Variants in PCP2 observed in about 807,000 individuals in gnomAD.
PCP2 encodes the protein Purkinje cell protein 2, also known as Purkinje cell protein 2 homolog.
A neutral mutation model predicts 18.3 loss-of-function variants in PCP2; 21 were observed. The observed-to-expected ratio is 1.14, with a 90% CI of 0.81 to 1.65. PCP2 has a LOEUF of 1.65. Ranked by LOEUF, PCP2 falls within the 40% of genes most tolerant of loss-of-function variation. PCP2 has a pLI of 0.00. For synonymous variants in PCP2, 85 were observed against 77.6 expected (o/e 1.10, Z -0.50); for missense variants, 202 against 201.8 (o/e 1.00, Z 0.00).
rs567614801 is a variant in PCP2, at chr19:7,633,495, C to T, written c.-38G>A. The T allele has an allele frequency of 4.5e-6, 7 of 1,556,440 alleles. No individual in the cohort carries two copies. The highest frequency in any genetic ancestry group is 1.2e-5 in the South Asian group (1 of 84,558). ...CAGTCACTTTTCTGCTGGCCTCTGC[C>T]CCGGCCCAGTGCCAGAGAGGGCCTT... On this transcript the variant is annotated 5_prime_UTR_variant, in exon 1 of 4. Coordinates refer to ENST00000311069, the MANE Select transcript of PCP2 (RefSeq NM_174895.3).
At chr19:7,631,924 T>C in intron 3 of PCP2, 116 bp from the exon 4 acceptor site, 1 of 1,072,702 alleles carries the variant, frequency 9.3e-7, no homozygotes, top group African/African-American at 1.6e-5. Context: ...TTGTGAGCAC[T>C]GGTCTATGTT....
upstream of PCP2, among the ~76,000 whole-genome samples, chr19:7,635,145 TC>T (rs937006305): frequency 1.3e-5 from 2 of 152,034 alleles, no homozygotes; most frequent in Non-Finnish European, 2.9e-5. Flanking sequence ...CAGCTCTCTG[TC>T]CCCCCAAGGG....
At chr19:7,633,337 A>C in intron 1 of PCP2, 70 bp downstream of exon 1, 1 of 1,155,620 alleles carries the variant, frequency 8.7e-7, no homozygotes, top group Non-Finnish European at 1.2e-6. Context: ...GGTGCCCTAC[A>C]AACTAGTCTT....
In PCP2 at chr19:7,631,722, G is replaced by A; in HGVS notation, c.378C>T (p.Asn126=). 1 of 1,447,954 alleles carries A rather than the reference G, an allele frequency of 6.9e-7. No homozygotes were observed. 89.7% of individuals were successfully genotyped at this position (1,447,954 alleles called of 1,614,324 possible). The change falls in exon 4 of 4, where the codon AAC becomes AAT. Residue 126 remains asparagine (N), a synonymous_variant. Transcript: ENST00000311069. ...QDPTALGFRR[N]SSPQPPTQAP ...CTTGTGTCGGGGGCTGGGGGCTGCTGTTCCGACGGAAGCCGAGAGCGGTCG... is the reference window on the plus strand; with the variant it reads ...CTTGTGTCGGGGGCTGGGGGCTGCTATTCCGACGGAAGCCGAGAGCGGTCG...
At chr19:7,636,994 C>T (rs916592166), upstream of PCP2, 13 of 843,628 alleles carry the variant, frequency 1.5e-5, no homozygotes, top group South Asian at 8.0e-4. Context: ...AGGGACTCAA[C>T]TTCCTGGGCC....
chr19:7,633,795 C>A, upstream of PCP2: 1 of 349,748 alleles, frequency 2.9e-6, no homozygotes, highest in Non-Finnish European at 5.3e-6. Flanking sequence ...GGGAGGCCAA[C>A]AGTGTAGGGT....
intron 1 of PCP2, 67 bp downstream of exon 1, chr19:7,633,340 C>CTAAT (rs35533418): frequency 0.39 from 557,368 of 1,447,366 alleles, 112,911 homozygotes; most frequent in Non-Finnish European, 0.42. Context: ...GCCCTACAAA[C>CTAAT]TAGTCTTGTC....
chr19:7,634,784 T>C (rs1449647899), upstream of PCP2, among the ~76,000 whole-genome samples: 1 of 152,252 alleles, frequency 6.6e-6, no homozygotes, highest in African/African-American at 2.4e-5. Context: ...GGAGCCCTCC[T>C]TGCCCCTCCC....
At chr19:7,633,319 G>A (rs564943033) in intron 1 of PCP2, 88 bp downstream of exon 1, 6 of 1,317,894 alleles carry the variant, frequency 4.6e-6, no homozygotes, top group African/African-American at 1.5e-5. Context: ...AGACTCACTC[G>A]TTAATTAGGT....
chr19:7,632,176 G>C lies in PCP2; in HGVS notation c.291+217C>G, dbSNP rs1023654050. The C allele has an allele frequency of 1.2e-5, 9 of 726,012 alleles. No individual in the cohort carries two copies. The highest frequency in any genetic ancestry group is 3.9e-4 in the Middle Eastern group (1 of 2,596). The allele number at this position is 726,012 out of a possible 1,614,324, so 45.0% of individuals were successfully genotyped here. On this transcript the variant is annotated intron_variant, in intron 3 of 3. Coordinates refer to ENST00000311069, the MANE Select transcript of PCP2 (RefSeq NM_174895.3). This position sits in a 1 kb window ranked among gnomAD's most constrained non-coding sequence, Gnocchi z 5.2. ...AGAACCTTCAGACTTGGGGGCAGGA[G>C]CCACAAGTTCCAGCCATGGGTCTTA... is the stretch of plus-strand genomic sequence containing the variant.
At position 7,632,417 on chromosome 19, in the gene PCP2, G is replaced by A. The variant is rs142047040; in HGVS notation, c.267C>T (p.Pro89=). ...CCTTGGACCCCACGGGCTGGAAGCC[G>A]GGCAGGCTGCTGACTGTCACACGTT... The part of the protein sequence containing the change: ...DDQRVTVSSL[P]GFQPVGSKDG... Residue 89 remains proline, a synonymous_variant, in exon 3 of 4, where the codon CCC becomes CCT. Transcript: ENST00000311069. The surrounding 1 kb of genome is among the most constrained non-coding windows in gnomAD (Gnocchi z 5.2). 4.8e-4 allele frequency: 773 copies of A among 1,613,946 alleles called. 1 individual carries two copies. The African/African-American group carries it at 8.9e-3, about 19-fold the overall frequency.
chr19:7,633,012 C>T (rs2031395329), intron 1 of PCP2, 182 bp from the exon 2 acceptor site: 3 of 1,432,196 alleles, frequency 2.1e-6, no homozygotes, highest in Non-Finnish European at 2.7e-6. Context: ...GTCTCCTTCC[C>T]AATCCCGGCC....
At position 7,632,928 on chromosome 19, in the gene PCP2, C is replaced by G; in HGVS notation, c.52-98G>C. ...GCTCACACCCTGACCCCGGGGCCTG[C>G]CGTCCCCACTTCCTCAGCTCTCACC... is the stretch of plus-strand genomic sequence containing the variant. On this transcript the variant is annotated intron_variant, in intron 1 of 3. Transcript: ENST00000311069. The surrounding 1 kb of genome is among the most constrained non-coding windows in gnomAD (Gnocchi z 5.2). 6.7e-7 allele frequency: 1 copy of G among 1,495,376 alleles called. No individual in the cohort carries two copies. Among genetic ancestry groups the G allele is most frequent in the Middle Eastern group, 1.7e-4 (1 of 5,762 alleles). 92.6% of individuals were successfully genotyped at this position (1,495,376 alleles called of 1,614,324 possible).
chr19:7,634,136 A>G (rs1407586354), upstream of PCP2, among the ~76,000 whole-genome samples: 1 of 152,152 alleles, frequency 6.6e-6, no homozygotes, highest in Non-Finnish European at 1.5e-5. Context: ...AGGTTGAGCT[A>G]TCTCCTCTCC....
chr19:7,635,636 C>T (rs1599384036), upstream of PCP2, among the ~76,000 whole-genome samples: 1 of 152,076 alleles, frequency 6.6e-6, no homozygotes, highest in Middle Eastern at 3.2e-3. Context: ...GTCGAGGCTG[C>T]AGTGAGCTAT....
chr19:7,632,888 C>T lies in PCP2; in HGVS notation c.52-58G>A, dbSNP rs2031386601. 2 of 1,531,230 alleles carry T rather than the reference C, an allele frequency of 1.3e-6. No homozygotes were observed. The highest frequency in any genetic ancestry group is 1.8e-6 in the Non-Finnish European group (2 of 1,142,112). 94.9% of individuals were successfully genotyped at this position (1,531,230 alleles called of 1,614,324 possible). A position where few individuals can be genotyped will look rare whatever the true frequency, so the allele number is the denominator to read the frequency against. On this transcript the variant is annotated intron_variant, in intron 1 of 3. Transcript: ENST00000311069. The surrounding 1 kb of genome is among the most constrained non-coding windows in gnomAD (Gnocchi z 5.2). ...TTCAGCTTGGGGGCCCCTCCCCAAA[C>T]TTCCTAGCCAGCTTGCTCACACCCT...
At chr19:7,636,223 A>T (rs2031527452), upstream of PCP2, 2 of 152,212 alleles carry the variant, frequency 1.3e-5, no homozygotes, top group African/African-American at 2.4e-5. Flanking sequence ...GGCCGAGCGA[A>T]GGAACCAGCT....
At chr19:7,633,109 A>G in intron 1 of PCP2, 5 of 1,064,128 alleles carry the variant, frequency 4.7e-6, no homozygotes, top group Non-Finnish European at 6.6e-6. Context: ...GCCGTCCTAG[A>G]TTGGGGCCTG....
In PCP2 at chr19:7,632,150, C is replaced by G. The variant is rs1221319419; in HGVS notation, c.291+243G>C. ...TCCTATTTTCTCCCTTTGGCCTCCC[C>G]AGAACCTTCAGACTTGGGGGCAGGA... On this transcript the variant is annotated intron_variant, in intron 3 of 3. Transcript: ENST00000311069. The surrounding 1 kb of genome is among the most constrained non-coding windows in gnomAD (Gnocchi z 5.2). The G allele has an allele frequency of 1.5e-6, 1 of 652,344 alleles. No homozygotes were observed. The highest frequency in any genetic ancestry group is 2.6e-6 in the Non-Finnish European group (1 of 391,690). The allele number at this position is 652,344 out of a possible 1,614,324, so 40.4% of individuals were successfully genotyped here.
Sources: allele counts gnomAD v4.1 joint callset (sites outside exome capture counted in the v4.1 genomes callset), GRCh38; gene constraint gnomAD v4.1.1; non-coding constraint Gnocchi (gnomAD v3.1); transcripts MANE v1.5; gene names NCBI Gene and HGNC (gene_info 2026-07-23, HGNC 2026-07-21).